Variants in DAPK1 observed in about 807,000 individuals in gnomAD.
DAPK1 encodes the protein death-associated protein kinase 1.
A neutral mutation model predicts 144.9 loss-of-function variants in DAPK1; 56 were observed. The observed-to-expected ratio is 0.39, with a 90% CI of 0.31 to 0.48. The LOEUF (loss-of-function observed/expected upper bound fraction) is 0.48. Ranked by LOEUF, DAPK1 falls within the 20% of genes least tolerant of loss-of-function variation. DAPK1 has a pLI of 0.95. For synonymous variants in DAPK1, 690 were observed against 749.0 expected, an observed-to-expected ratio of 0.92 and a Z score of 1.29; for missense variants, 1,454 against 1,875.4, an observed-to-expected ratio of 0.78 and a Z score of 4.15.
At position 87,499,848 on chromosome 9, in the gene DAPK1, C is replaced by T. The variant is rs561906937; in HGVS notation, c.62+709C>T. On this transcript the variant is annotated intron_variant, in intron 2 of 25. Transcript: ENST00000408954. ...CAAAGAATAGTTTCTTTCGGGGCAT[C>T]TAAGGGCTGATTGCTGTTTCCTTTG... Among the ~76,000 whole-genome samples, 4 of 152,292 alleles carry T rather than the reference C, an allele frequency of 2.6e-5. No individual in the cohort carries two copies. The South Asian group carries it at 8.3e-4, about 32-fold the overall frequency.
At chr9:87,561,393 G>T (rs1826916255) in intron 2 of DAPK1, among the ~76,000 whole-genome samples, 1 of 151,952 alleles carries the variant, frequency 6.6e-6, no homozygotes, top group Non-Finnish European at 1.5e-5. Flanking sequence ...GGGCGTTGTG[G>T]CGGGCGCCTG....
chr9:87,532,793 G>C (rs531185390), intron 2 of DAPK1, among the ~76,000 whole-genome samples: 168 of 152,140 alleles, frequency 1.1e-3, no homozygotes, highest in Non-Finnish European at 1.7e-3. Context: ...TAAATATACA[G>C]AGAAGTTGGT....
At chr9:87,610,992 A>G (rs1828902656) in intron 3 of DAPK1, among the ~76,000 whole-genome samples, 2 of 151,314 alleles carry the variant, frequency 1.3e-5, no homozygotes, top group Admixed American at 6.6e-5. Context: ...TCTAGCACAT[A>G]CTTTGTAAGT....
intron 10 of DAPK1, among the ~76,000 whole-genome samples, chr9:87,642,766 A>G (rs1285317607): frequency 2.0e-5 from 3 of 152,200 alleles, no homozygotes; most frequent in African/African-American, 7.2e-5. Context: ...AGACCACAGC[A>G]CTAGATTCCC....
Position 87,698,743 on chromosome 9 carries a change from G to A in DAPK1, c.2699G>A (p.Gly900Asp), listed in dbSNP as rs1429774673. The change falls in exon 23 of 26, where the codon GGC becomes GAC. Residue 900 changes from glycine (G) to aspartate (D), a missense_variant. By Grantham distance (94) the Gly-to-Asp change is moderately conservative. Around this residue, in one of 2 missense-constraint regions of DAPK1, gnomAD observed 1,025 missense variants for 1,237.9 expected, o/e 0.83. Coordinates refer to ENST00000408954, the MANE Select transcript of DAPK1 (RefSeq NM_004938.4). The part of the protein sequence containing the change: ...DIMNVPRPAG[G>D]EFGYDKDTSL... ...ATGAATGTTCCTCGACCGGCTGGAG[G>A]CGAGTTTGGATATGACAAAGACACA... 1.9e-6 allele frequency: 3 copies of A among 1,606,010 alleles called. No homozygotes were observed. Among genetic ancestry groups the A allele is most frequent in the Non-Finnish European group, 2.6e-6 (3 of 1,172,750 alleles).
intron 7 of DAPK1, 151 bp downstream of exon 7, chr9:87,639,966 T>C: frequency 1.2e-6 from 1 of 821,462 alleles, no homozygotes; most frequent in East Asian, 2.6e-5. Flanking sequence ...ATGTTTAGTT[T>C]ATACTAATTA....
intron 20 of DAPK1, among the ~76,000 whole-genome samples, chr9:87,683,741 G>A (rs1824729010): frequency 6.6e-6 from 1 of 152,146 alleles, no homozygotes; most frequent in Admixed American, 6.5e-5. Context: ...TTTTCTGCAC[G>A]CCCCACCATG....
At chr9:87,659,092 C>T (rs1369835586) in intron 18 of DAPK1, among the ~76,000 whole-genome samples, 1 of 152,234 alleles carries the variant, frequency 6.6e-6, no homozygotes, top group African/African-American at 2.4e-5. Context: ...GGCCACAGAG[C>T]CGAAACACCT....
chr9:87,618,549 A>G (rs1470161616), intron 3 of DAPK1, among the ~76,000 whole-genome samples: 1 of 152,264 alleles, frequency 6.6e-6, no homozygotes, highest in Non-Finnish European at 1.5e-5. Context: ...CAGCTAGTGA[A>G]CAAAATATGG....
intron 2 of DAPK1, among the ~76,000 whole-genome samples, chr9:87,557,257 A>C (rs1826751753): frequency 1.3e-5 from 2 of 152,126 alleles, no homozygotes; most frequent in African/African-American, 4.8e-5. Context: ...GAATGCTCAG[A>C]TCCATCTGAG....
At chr9:87,616,125 A>G (rs767200852) in intron 3 of DAPK1, among the ~76,000 whole-genome samples, 7 of 152,190 alleles carry the variant, frequency 4.6e-5, no homozygotes, top group Non-Finnish European at 8.8e-5. Flanking sequence ...TTCCTTCTCT[A>G]GCGTGGCTGC....
At chr9:87,585,485 G>A (rs142025134) in intron 2 of DAPK1, among the ~76,000 whole-genome samples, 71 of 152,256 alleles carry the variant, frequency 4.7e-4, no homozygotes, top group Admixed American at 7.8e-4. Context: ...CACAAATTAC[G>A]AGCTGGAAAT....
chr9:87,657,440 CA>C (rs1830665213), intron 17 of DAPK1: 2 of 155,262 alleles, frequency 1.3e-5, no homozygotes, highest in South Asian at 3.9e-4. Flanking sequence ...GACATGATGT[CA>C]TGGAAGGCAG....
intron 18 of DAPK1, chr9:87,668,014 A>T (rs957095908): frequency 5.9e-5 from 9 of 153,824 alleles, no homozygotes; most frequent in African/African-American, 2.2e-4. Flanking sequence ...ACTGCAGCCT[A>T]TGAAAAATCT....
intron 2 of DAPK1, among the ~76,000 whole-genome samples, chr9:87,512,010 C>G (rs1205706227): frequency 1.3e-5 from 2 of 151,742 alleles, no homozygotes; most frequent in African/African-American, 4.8e-5. Context: ...CCACGCCCGG[C>G]CTGATTTTAT....
At chr9:87,634,049 G>T (rs1235112416) in intron 3 of DAPK1, among the ~76,000 whole-genome samples, 1 of 152,232 alleles carries the variant, frequency 6.6e-6, no homozygotes, top group East Asian at 1.9e-4. Flanking sequence ...CTTTATATCA[G>T]GGATCAGCAA....
At chr9:87,519,232 TC>T (rs1354100795) in intron 2 of DAPK1, among the ~76,000 whole-genome samples, 3 of 152,226 alleles carry the variant, frequency 2.0e-5, no homozygotes, top group African/African-American at 7.2e-5. Context: ...GGCAGGCACC[TC>T]CCGCATGCAC....
intron 2 of DAPK1, among the ~76,000 whole-genome samples, chr9:87,564,915 A>G (rs1827061374): frequency 6.6e-6 from 1 of 152,126 alleles, no homozygotes; most frequent in Admixed American, 6.5e-5. Flanking sequence ...TAGAAGCAAT[A>G]AAGACTCTTG....
chr9:87,678,682 G>A (rs1314605867), intron 19 of DAPK1, among the ~76,000 whole-genome samples: 1 of 152,128 alleles, frequency 6.6e-6, no homozygotes, highest in Admixed American at 6.5e-5. Flanking sequence ...ATTGTAAACA[G>A]GCTTTTCCCC....
Sources: allele counts gnomAD v4.1 joint callset (sites outside exome capture counted in the v4.1 genomes callset), GRCh38; gene constraint gnomAD v4.1.1; regional missense constraint gnomAD v4.1.1; transcripts MANE v1.5; gene names NCBI Gene and HGNC (gene_info 2026-07-23, HGNC 2026-07-21).